Variants in DPP10 observed in about 807,000 individuals in gnomAD.
The protein encoded by DPP10 is inactive dipeptidyl peptidase 10.
Under a neutral mutation model 120.9 loss-of-function variants are expected in DPP10, and 33 were observed. That is an observed-to-expected ratio of 0.27 (90% CI 0.21 to 0.37). The LOEUF (loss-of-function observed/expected upper bound fraction) is 0.37, where lower values mean the gene tolerates loss of function less well. Ranked by LOEUF, DPP10 falls within the 10% of genes least tolerant of loss-of-function variation. DPP10 has a pLI of 1.00. For missense variants in DPP10, 816 were observed against 942.8 expected (o/e 0.87, Z 1.76); for synonymous variants, 337 against 326.1 (o/e 1.03, Z -0.36).
At chr2:115,512,052 C>A (rs1343732814) in intron 4 of DPP10, among the ~76,000 whole-genome samples, 1 of 150,510 alleles carries the variant, frequency 6.6e-6, no homozygotes, top group Admixed American at 6.6e-5. Context: ...CTTCCCCACT[C>A]CCTCCCCTCT....
chr2:115,431,033 A>G (rs2104772632), intron 3 of DPP10, among the ~76,000 whole-genome samples: 1 of 152,356 alleles, frequency 6.6e-6, no homozygotes, highest in East Asian at 1.9e-4. Context: ...AACAGATATG[A>G]TACTAGCTTC....
At chr2:114,591,806 G>A (rs1318669785) in intron 1 of DPP10, among the ~76,000 whole-genome samples, 2 of 151,686 alleles carry the variant, frequency 1.3e-5, no homozygotes, top group East Asian at 3.9e-4. Context: ...GCCCACCTTG[G>A]CCTCCCAAAG....
At chr2:114,753,726 G>A (rs1574108562) in intron 1 of DPP10, among the ~76,000 whole-genome samples, 4 of 151,908 alleles carry the variant, frequency 2.6e-5, no homozygotes, top group South Asian at 4.2e-4. Context: ...TGGCTAACAC[G>A]GTGAAACCCC....
chr2:115,232,694 T>C (rs1289077595), intron 1 of DPP10, among the ~76,000 whole-genome samples: 1 of 152,260 alleles, frequency 6.6e-6, no homozygotes, highest in Non-Finnish European at 1.5e-5. Context: ...TTGTAATCAC[T>C]GCACATGACA....
At chr2:114,697,500 C>A (rs1260038043) in intron 1 of DPP10, among the ~76,000 whole-genome samples, 2 of 151,802 alleles carry the variant, frequency 1.3e-5, no homozygotes, top group Non-Finnish European at 2.9e-5. Context: ...TCTGTAATCC[C>A]AGCACTTTGG....
At position 115,092,531 on chromosome 2, in the gene DPP10, A is replaced by G. The variant is rs148780501; in HGVS notation, c.61-216708A>G. Among the ~76,000 whole-genome samples the G allele has an allele frequency of 3.5e-3, 534 of 152,188 alleles. 7 individuals carry two copies. Among genetic ancestry groups the G allele is most frequent in the African/African-American group, 0.012 (508 of 41,522 alleles). ...AGAGTTGTACCAGTTCCCATCTCCT[A>G]CTGTATCTGGTAAAGGACAGCTTTT... On this transcript the variant is annotated intron_variant, in intron 1 of 25. Coordinates refer to ENST00000410059, the MANE Select transcript of DPP10 (RefSeq NM_020868.6).
intron 3 of DPP10, among the ~76,000 whole-genome samples, chr2:115,389,078 T>C (rs985118077): frequency 6.6e-6 from 1 of 152,164 alleles, no homozygotes; most frequent in Non-Finnish European, 1.5e-5. Flanking sequence ...GAACTATTCT[T>C]TTCTCCTTTG....
intron 1 of DPP10, among the ~76,000 whole-genome samples, chr2:114,600,013 T>A (rs1277129783): frequency 1.3e-5 from 2 of 151,746 alleles, no homozygotes; most frequent in East Asian, 1.9e-4. Flanking sequence ...TCTATTTTTT[T>A]AATGTGTATT....
At chr2:115,473,867 T>C (rs1457620313) in intron 3 of DPP10, among the ~76,000 whole-genome samples, 2 of 152,184 alleles carry the variant, frequency 1.3e-5, no homozygotes, top group African/African-American at 4.8e-5. Context: ...GTCTGGTTTA[T>C]TGTTGACTCC....
chr2:115,836,087 TTGTGTGTGTGTATGTGTG>T lies in DPP10; in HGVS notation c.1951-58_1951-41del, dbSNP rs1559221223. 9.9e-5 allele frequency: 79 copies of T among 796,874 alleles called. 2 individuals carry two copies. The African/African-American group carries it at 1.4e-3, about 14-fold the overall frequency. The allele number at this position is 796,874 out of a possible 1,614,324, so 49.4% of individuals were successfully genotyped here. A position where few individuals can be genotyped will look rare whatever the true frequency, so the allele number is the denominator to read the frequency against. ...CCAGGCATAGTTGTTATATATAAAT[TTGTGTGTGTGTATGTGTG>T]TGTGTGTGTGTGAGATATATATATA... On this transcript the variant is annotated intron_variant, in intron 21 of 25. Coordinates refer to ENST00000410059, the MANE Select transcript of DPP10 (RefSeq NM_020868.6).
At chr2:115,788,250 GT>G (rs1195857166) in intron 17 of DPP10, among the ~76,000 whole-genome samples, 1 of 151,996 alleles carries the variant, frequency 6.6e-6, no homozygotes, top group Non-Finnish European at 1.5e-5. Flanking sequence ...CAATTTAGGG[GT>G]TACTACAGTT....
At chr2:114,956,521 C>T (rs1268997360) in intron 1 of DPP10, among the ~76,000 whole-genome samples, 1 of 127,478 alleles carries the variant, frequency 7.8e-6, no homozygotes, top group Non-Finnish European at 1.7e-5. Flanking sequence ...ATCCATCCTA[C>T]CCAAAGTGAT....
chr2:115,293,243 A>T (rs2060735996), intron 1 of DPP10, among the ~76,000 whole-genome samples: 1 of 152,144 alleles, frequency 6.6e-6, no homozygotes, highest in Non-Finnish European at 1.5e-5. Flanking sequence ...CTAAATGAAC[A>T]TCCAGAAGTT....
At chr2:114,803,457 G>A (rs190745667) in intron 1 of DPP10, among the ~76,000 whole-genome samples, 12 of 152,344 alleles carry the variant, frequency 7.9e-5, no homozygotes, top group African/African-American at 2.9e-4. Flanking sequence ...GAAGAAGAGA[G>A]AAAAATGTGG....
intron 3 of DPP10, among the ~76,000 whole-genome samples, chr2:115,473,349 CT>C (rs1342442389): frequency 6.6e-6 from 1 of 152,134 alleles, no homozygotes; most frequent in East Asian, 1.9e-4. Context: ...GGGACAGTTC[CT>C]TAAAATGAAC....
chr2:115,002,575 A>T (rs1236688421), intron 1 of DPP10, among the ~76,000 whole-genome samples: 3 of 152,150 alleles, frequency 2.0e-5, no homozygotes, highest in Non-Finnish European at 4.4e-5. Flanking sequence ...CAATAAACAA[A>T]CAACCTATAC....
chr2:114,470,593 A>G (rs1237436308), intron 1 of DPP10, among the ~76,000 whole-genome samples: 1 of 151,878 alleles, frequency 6.6e-6, no homozygotes, highest in Non-Finnish European at 1.5e-5. Flanking sequence ...TTTCTCCTTA[A>G]TTTTTCCTTG....
At chr2:115,115,381 T>G (rs947472685) in intron 1 of DPP10, among the ~76,000 whole-genome samples, 3 of 152,140 alleles carry the variant, frequency 2.0e-5, no homozygotes, top group Non-Finnish European at 4.4e-5. Context: ...ACCTTTATGG[T>G]TGTGTTGAGT....
At chr2:115,002,254 C>T (rs1257065832) in intron 1 of DPP10, among the ~76,000 whole-genome samples, 5 of 151,912 alleles carry the variant, frequency 3.3e-5, no homozygotes, top group Non-Finnish European at 2.9e-5. Flanking sequence ...AAAAAGCTGA[C>T]AAAAATAAGC....
Sources: allele counts gnomAD v4.1 joint callset (sites outside exome capture counted in the v4.1 genomes callset), GRCh38; gene constraint gnomAD v4.1.1; transcripts MANE v1.5; gene names NCBI Gene and HGNC (gene_info 2026-07-23, HGNC 2026-07-21).